The following SORCS2 variants were observed in gnomAD, a reference collection of about 807,000 sequenced individuals.
SORCS2 encodes the protein sortilin related VPS10 domain containing receptor 2.
In SORCS2, 100 loss-of-function variants were observed where a neutral mutation model predicts 141.6. The observed-to-expected ratio is 0.71, with a 90% confidence interval of 0.60 to 0.83. The LOEUF (loss-of-function observed/expected upper bound fraction) is 0.83, where lower values mean the gene tolerates loss of function less well. SORCS2 is among the 40% of genes least tolerant of loss of function. SORCS2 has a pLI of 0.00. For missense variants in SORCS2, 1,646 were observed against 1,560.2 expected, an observed-to-expected ratio of 1.05 and a Z score of -0.93; for synonymous variants, 789 against 676.9, an observed-to-expected ratio of 1.17 and a Z score of -2.57.
At chr4:7,610,773 G>A (rs1324502085) in intron 3 of SORCS2, among the ~76,000 whole-genome samples, 3 of 152,216 alleles carry the variant, frequency 2.0e-5, no homozygotes, top group African/African-American at 7.2e-5. Flanking sequence ...GGATAGTCCA[G>A]TGCAGTCAGC....
intron 1 of SORCS2, among the ~76,000 whole-genome samples, chr4:7,350,621 G>A (rs146203804): frequency 1.7e-3 from 259 of 152,326 alleles, no homozygotes; most frequent in Admixed American, 2.2e-3. Flanking sequence ...CCCGGCAGGC[G>A]GCAGGTCCAG....
At chr4:7,738,259 AC>A (rs1247382445) in intron 26 of SORCS2, among the ~76,000 whole-genome samples, 1 of 152,240 alleles carries the variant, frequency 6.6e-6, no homozygotes, top group African/African-American at 2.4e-5. Context: ...GGGCCGTGGC[AC>A]CAGCCCTGCA....
chr4:7,642,378 C>G (rs78369008), intron 4 of SORCS2, among the ~76,000 whole-genome samples: 1 of 152,200 alleles, frequency 6.6e-6, no homozygotes, highest in East Asian at 1.9e-4. Flanking sequence ...CAATTGCTCT[C>G]TAATTTATGG....
Position 7,664,184 on chromosome 4 carries a change from C to T in SORCS2, c.953-169C>T, listed in dbSNP as rs533726922. Among the ~76,000 whole-genome samples, 17 of 152,204 alleles carry T rather than the reference C, an allele frequency of 1.1e-4. No individual in the cohort carries two copies. The highest frequency in any genetic ancestry group is 3.1e-4 in the African/African-American group (13 of 41,546). ...CAGAGTGCAGGTGGCCCACAGTGAG[C>T]GAGGATGACACCCTCAGCCGCAGGT... On this transcript the variant is annotated intron_variant, in intron 6 of 26. Transcript: ENST00000507866. This position sits in a 1 kb window ranked among gnomAD's most constrained non-coding sequence, Gnocchi z 4.7.
chr4:7,192,595 T>C lies in SORCS2; in HGVS notation c.-52T>C. 4.1e-6 allele frequency: 4 copies of C among 985,998 alleles called. No individual in the cohort carries two copies. Among genetic ancestry groups the C allele is most frequent in the Non-Finnish European group, 4.8e-6 (4 of 830,976 alleles). 61.1% of individuals were successfully genotyped at this position (985,998 alleles called of 1,614,324 possible). On this transcript the variant is annotated 5_prime_UTR_variant, in exon 1 of 27. Transcript: ENST00000507866. The surrounding 1 kb of genome is among the most constrained non-coding windows in gnomAD (Gnocchi z 4.0). Reference sequence around the variant, plus strand: ...CGCCCTCCTGCTCTCCCGGCCGCGGTCCCCTCGTCCGCGCCGCCCCGCCGC... The same window carrying C: ...CGCCCTCCTGCTCTCCCGGCCGCGGCCCCCTCGTCCGCGCCGCCCCGCCGC...
intron 8 of SORCS2, among the ~76,000 whole-genome samples, chr4:7,675,814 G>A (rs971174492): frequency 6.6e-6 from 1 of 152,190 alleles, no homozygotes; most frequent in African/African-American, 2.4e-5. Context: ...CCGGCGTAGA[G>A]CATCCCAACG....
At chr4:7,268,403 C>G (rs920479083) in intron 1 of SORCS2, among the ~76,000 whole-genome samples, 1 of 152,278 alleles carries the variant, frequency 6.6e-6, no homozygotes, top group Admixed American at 6.5e-5. Context: ...CTGTCGGCCA[C>G]TTAACAATCC....
chr4:7,204,638 A>G (rs546261584), intron 1 of SORCS2, among the ~76,000 whole-genome samples: 1 of 152,074 alleles, frequency 6.6e-6, no homozygotes, highest in Non-Finnish European at 1.5e-5. Flanking sequence ...GGAAATCCAC[A>G]GGAGGAGAAA....
chr4:7,361,807 C>T (rs528818304), intron 1 of SORCS2, among the ~76,000 whole-genome samples: 49 of 150,286 alleles, frequency 3.3e-4, no homozygotes, highest in Middle Eastern at 3.4e-3. Flanking sequence ...ATGCTAATGC[C>T]GGGCAAGGCT....
intron 1 of SORCS2, among the ~76,000 whole-genome samples, chr4:7,209,598 G>A (rs1034777396): frequency 3.3e-5 from 5 of 152,046 alleles, no homozygotes; most frequent in African/African-American, 1.2e-4. Context: ...TCCCCTTCTC[G>A]ACTGCATGTT....
intron 10 of SORCS2, among the ~76,000 whole-genome samples, chr4:7,684,031 C>T (rs2359633): frequency 0.22 from 33,347 of 152,070 alleles, 4,026 homozygotes; most frequent in East Asian, 0.4. Flanking sequence ...CCAAGAGAAT[C>T]TGACCAGGCT....
At chr4:7,736,152 C>G (rs1043282263) in intron 25 of SORCS2, among the ~76,000 whole-genome samples, 2 of 152,262 alleles carry the variant, frequency 1.3e-5, no homozygotes, top group Non-Finnish European at 2.9e-5. Context: ...TCCCGGCTTG[C>G]TCAAGGGCTG....
At chr4:7,334,292 C>CTCCTTCCCCAGCCTGCCT (rs1336204233) in intron 1 of SORCS2, among the ~76,000 whole-genome samples, 5 of 152,140 alleles carry the variant, frequency 3.3e-5, no homozygotes, top group African/African-American at 1.2e-4. Context: ...CTTGGACCTC[C>CTCCTTCCCCAGCCTGCCT]TCCTTCCCCA....
intron 1 of SORCS2, among the ~76,000 whole-genome samples, chr4:7,259,995 C>G (rs931866733): frequency 6.6e-6 from 1 of 152,264 alleles, no homozygotes; most frequent in African/African-American, 2.4e-5. Flanking sequence ...GGGGGAATGA[C>G]AGAAGCTCCT....
At chr4:7,344,637 G>T (rs1391365546) in intron 1 of SORCS2, among the ~76,000 whole-genome samples, 1 of 152,218 alleles carries the variant, frequency 6.6e-6, no homozygotes, top group Non-Finnish European at 1.5e-5. Context: ...GGACACTGAG[G>T]TGAGGGGCAG....
chr4:7,260,711 AG>A, intron 1 of SORCS2, among the ~76,000 whole-genome samples: 1 of 152,210 alleles, frequency 6.6e-6, no homozygotes, highest in East Asian at 1.9e-4. Flanking sequence ...GTGGCAACTC[AG>A]GGTGGTAAGG....
At chr4:7,432,987 A>G in intron 2 of SORCS2, 1 of 208,994 alleles carries the variant, frequency 4.8e-6, no homozygotes, top group Non-Finnish European at 9.5e-6. Flanking sequence ...CAGAAGGTAA[A>G]GGGGCACCTG....
At chr4:7,497,585 C>T (rs1731706580) in intron 2 of SORCS2, among the ~76,000 whole-genome samples, 1 of 152,266 alleles carries the variant, frequency 6.6e-6, no homozygotes, top group Non-Finnish European at 1.5e-5. Flanking sequence ...TTAGGACTTC[C>T]CCAGGAGTTT....
At chr4:7,559,648 G>T (rs540975515) in intron 3 of SORCS2, among the ~76,000 whole-genome samples, 2 of 152,306 alleles carry the variant, frequency 1.3e-5, no homozygotes, top group Admixed American at 6.5e-5. Context: ...GTCCAAGGGG[G>T]CCTGGGTCTG....
Sources: allele counts gnomAD v4.1 joint callset (sites outside exome capture counted in the v4.1 genomes callset), GRCh38; gene constraint gnomAD v4.1.1; non-coding constraint Gnocchi (gnomAD v3.1); transcripts MANE v1.5; gene names NCBI Gene and HGNC (gene_info 2026-07-23, HGNC 2026-07-21).